The following EML6 variants were observed in gnomAD, a reference collection of about 807,000 sequenced individuals.
The protein encoded by EML6 is echinoderm microtubule-associated protein-like 6.
EML6 carries 154 observed loss-of-function variants against 240.1 expected under a neutral mutation model. The ratio of observed to expected loss-of-function variants is 0.64; its 90% CI spans 0.56 to 0.73. EML6 has a LOEUF of 0.73. Ranked by LOEUF, EML6 falls within the 30% of genes least tolerant of loss-of-function variation. EML6 has a pLI of 0.00. For synonymous variants in EML6, 1,148 were observed against 899.0 expected (o/e 1.28, Z -4.95); for missense variants, 2,964 against 2,474.6 (o/e 1.20, Z -4.20).
rs538262865 is a variant in EML6 at position 54,823,776 on chromosome 2, G to C, written c.525+3314G>C. Among the ~76,000 whole-genome samples, 287 of 151,812 alleles carry C rather than the reference G, an allele frequency of 1.9e-3. 2 individuals are homozygous for C. The highest frequency in any genetic ancestry group is 6.5e-3 in the African/African-American group (269 of 41,386). On this transcript the variant is annotated intron_variant, in intron 5 of 41. Transcript: ENST00000356458. ...TTAGGTGGGAATCTGACTTTGATTT[G>C]TGATTGTTTCCCTCTGCTTGACTCT...
In EML6 at chr2:54,725,036, C is replaced by T. The variant is rs766160944; in HGVS notation, c.-26C>T. On this transcript the variant is annotated 5_prime_UTR_variant, in exon 2 of 42. Transcript: ENST00000356458. This position sits in a 1 kb window ranked among gnomAD's most constrained non-coding sequence, Gnocchi z 4.3. ...AGGACGGCCCCGGCGCGCGGGGGGG[C>T]GGGGGGCGCGCGGGGTCGGCTTATC... is the stretch of plus-strand genomic sequence containing the variant. 6.7e-7 allele frequency: 1 copy of T among 1,486,554 alleles called. No individual in the cohort carries two copies. The highest frequency in any genetic ancestry group is 1.3e-5 in the South Asian group (1 of 78,038). The allele number at this position is 1,486,554 out of a possible 1,614,324, so 92.1% of individuals were successfully genotyped here. A position where few individuals can be genotyped will look rare whatever the true frequency, so the allele number is the denominator to read the frequency against.
chr2:54,949,263 C>G (rs865799771), intron 29 of EML6, among the ~76,000 whole-genome samples: 59 of 152,174 alleles, frequency 3.9e-4, no homozygotes, highest in African/African-American at 1.3e-3. Flanking sequence ...CACTCAGACC[C>G]TCAGCATCCC....
chr2:54,855,902 G>T (rs976795387), intron 11 of EML6, among the ~76,000 whole-genome samples: 4 of 152,178 alleles, frequency 2.6e-5, no homozygotes, highest in Admixed American at 2.0e-4. Flanking sequence ...TAGGTGACAA[G>T]GTACAAGTAT....
intron 2 of EML6, among the ~76,000 whole-genome samples, chr2:54,760,579 C>T (rs537381737): frequency 1.3e-5 from 2 of 152,272 alleles, no homozygotes; most frequent in South Asian, 2.1e-4. Context: ...AGCAGGCTTG[C>T]AGAGTACCTG....
intron 7 of EML6, among the ~76,000 whole-genome samples, chr2:54,837,952 C>T (rs78421615): frequency 6.6e-6 from 1 of 152,206 alleles, no homozygotes; most frequent in Non-Finnish European, 1.5e-5. Context: ...TAAATACGAG[C>T]CTCTGCCTGC....
At chr2:54,775,452 C>T (rs1668563078) in intron 2 of EML6, among the ~76,000 whole-genome samples, 1 of 152,126 alleles carries the variant, frequency 6.6e-6, no homozygotes, top group South Asian at 2.1e-4. Context: ...TGGCTTACTC[C>T]CTCATTTTGT....
intron 3 of EML6, 34 bp downstream of exon 3, chr2:54,813,425 A>G: frequency 6.7e-7 from 1 of 1,500,030 alleles, no homozygotes; most frequent in Non-Finnish European, 9.1e-7. Context: ...TTATTTAATG[A>G]CTTCTCACAA....
At position 54,971,229 on chromosome 2, in the gene EML6, G is replaced by A. The variant is rs985203495; in HGVS notation, c.*1134G>A. 2.0e-5 allele frequency: 3 copies of A among 152,218 alleles called. No homozygotes were observed. The highest frequency in any genetic ancestry group is 2.9e-5 in the Non-Finnish European group (2 of 68,038). The allele number at this position is 152,218 out of a possible 1,614,324, so 9.4% of individuals were successfully genotyped here. ...ATAGCTGGTAAATCAAAATTATAAA[G>A]TGAGTTAGAGTTCCTTGGAGTTGGT... On this transcript the variant is annotated 3_prime_UTR_variant, in exon 42 of 42. Transcript: ENST00000356458.
chr2:54,838,888 C>G (rs1051809571), intron 7 of EML6, among the ~76,000 whole-genome samples: 1 of 152,172 alleles, frequency 6.6e-6, no homozygotes, highest in African/African-American at 2.4e-5. Flanking sequence ...ATGTGTATTT[C>G]TCCAGGAAAG....
chr2:54,942,569 T>TG, intron 28 of EML6, among the ~76,000 whole-genome samples: 1 of 152,278 alleles, frequency 6.6e-6, no homozygotes, highest in Admixed American at 6.5e-5. Flanking sequence ...CTTGTGGGTG[T>TG]GTTTAAACTA....
At chr2:54,893,065 G>A (rs1390631276) in intron 19 of EML6, among the ~76,000 whole-genome samples, 2 of 152,142 alleles carry the variant, frequency 1.3e-5, no homozygotes, top group East Asian at 1.9e-4. Flanking sequence ...CATTTGCTAC[G>A]ATAAATTTGC....
intron 28 of EML6, among the ~76,000 whole-genome samples, chr2:54,937,814 A>C (rs1310314477): frequency 6.6e-6 from 1 of 152,170 alleles, no homozygotes; most frequent in Non-Finnish European, 1.5e-5. Context: ...CTATCAATCA[A>C]ACTTTGTGCA....
At position 54,970,224 on chromosome 2, in the gene EML6, C is replaced by T. The variant is rs1328409684; in HGVS notation, c.*129C>T. 1.2e-6 allele frequency: 1 copy of T among 864,362 alleles called. No homozygotes were observed. The highest frequency in any genetic ancestry group is 1.7e-5 in the African/African-American group (1 of 59,752). 53.5% of individuals were successfully genotyped at this position (864,362 alleles called of 1,614,324 possible). On this transcript the variant is annotated 3_prime_UTR_variant, in exon 42 of 42. Transcript: ENST00000356458. ...CCATGCTGCCCCGGATGCACAAGCTCAAAACGCTGCAGAAGTTACACAACT... is the reference window on the plus strand; with the variant it reads ...CCATGCTGCCCCGGATGCACAAGCTTAAAACGCTGCAGAAGTTACACAACT...
chr2:54,804,891 G>A (rs1220296488), intron 2 of EML6, among the ~76,000 whole-genome samples: 1 of 152,084 alleles, frequency 6.6e-6, no homozygotes, highest in Non-Finnish European at 1.5e-5. Context: ...TGTAGCTTAG[G>A]TATACCATTC....
chr2:54,879,135 C>T lies in EML6; in HGVS notation c.2345-412C>T, dbSNP rs77011325. Among the ~76,000 whole-genome samples, 23 of 152,178 alleles carry T rather than the reference C, an allele frequency of 1.5e-4. No homozygotes were observed. In the East Asian group the frequency reaches 4.1e-3, roughly 27 times the overall value. Reference sequence around the variant, plus strand: ...TCAGGATCACAAAGCCAAGTGGTACCTCAAGTTAAATGTCATGAGATTTGT... The same window carrying T: ...TCAGGATCACAAAGCCAAGTGGTACTTCAAGTTAAATGTCATGAGATTTGT... On this transcript the variant is annotated intron_variant, in intron 16 of 41. Transcript: ENST00000356458.
At position 54,763,047 on chromosome 2, in the gene EML6, C is replaced by G. The variant is rs114840102; in HGVS notation, c.197+37789C>G. Among the ~76,000 whole-genome samples the G allele has an allele frequency of 2.8e-3, 430 of 152,304 alleles. 2 individuals carry two copies. Among genetic ancestry groups the G allele is most frequent in the African/African-American group, 9.7e-3 (402 of 41,564 alleles). On this transcript the variant is annotated intron_variant, in intron 2 of 41. Coordinates refer to ENST00000356458, the MANE Select transcript of EML6 (RefSeq NM_001039753.4). ...CCCACCCTACATTCTTCCTTGGTTT[C>G]TCCCATTTATTATTTATGTCTCTTT...
At chr2:54,915,268 C>T (rs576957532) in intron 25 of EML6, among the ~76,000 whole-genome samples, 2 of 152,230 alleles carry the variant, frequency 1.3e-5, no homozygotes, top group East Asian at 1.9e-4. Flanking sequence ...GGGTGTCTGC[C>T]AGGGGAGCAA....
intron 12 of EML6, among the ~76,000 whole-genome samples, chr2:54,860,713 C>G (rs553168649): frequency 3.9e-5 from 6 of 152,306 alleles, no homozygotes; most frequent in Non-Finnish European, 7.3e-5. Context: ...CTGTCTAGAC[C>G]ATAGAGAAAG....
chr2:54,953,658 G>A (rs1042862809), intron 31 of EML6, among the ~76,000 whole-genome samples: 3 of 152,072 alleles, frequency 2.0e-5, no homozygotes, highest in Non-Finnish European at 4.4e-5. Flanking sequence ...TTTGGGAGGC[G>A]GGCGGATCAC....
Sources: allele counts gnomAD v4.1 joint callset (sites outside exome capture counted in the v4.1 genomes callset), GRCh38; gene constraint gnomAD v4.1.1; non-coding constraint Gnocchi (gnomAD v3.1); transcripts MANE v1.5; gene names NCBI Gene and HGNC (gene_info 2026-07-23, HGNC 2026-07-21).